MRTFB: variants seen among roughly 807,000 people sequenced by gnomAD.
The protein encoded by MRTFB is myocardin-related transcription factor B.
Under a neutral mutation model 104.2 loss-of-function variants are expected in MRTFB, and 29 were observed. That is an observed-to-expected ratio of 0.28 (90% CI 0.21 to 0.38). MRTFB has a LOEUF of 0.38. Among genes scored for constraint, MRTFB ranks in the 10% least tolerant of loss-of-function variants. The probability of loss-of-function intolerance (pLI) is 1.00; values close to 1 mark genes in which losing one functional copy is unlikely to be tolerated. For missense variants in MRTFB, 1,270 were observed against 1,341.6 expected (o/e 0.95, Z 0.83); for synonymous variants, 535 against 519.5 (o/e 1.03, Z -0.41).
intron 7 of MRTFB, among the ~76,000 whole-genome samples, chr16:14,217,602 A>C (rs887705938): frequency 5.9e-5 from 9 of 152,232 alleles, no homozygotes; most frequent in African/African-American, 2.2e-4. Flanking sequence ...TCTTGACTAC[A>C]AATTGCCTAA....
At position 14,251,914 on chromosome 16, in the gene MRTFB, C is replaced by T; in HGVS notation, c.2456C>T (p.Pro819Leu). Residue 819 changes from proline (P) to leucine (L), a missense_variant, in exon 14 of 17, where the codon CCT (proline) becomes CTT (leucine). Pro to Leu is a moderately conservative substitution (Grantham distance 98, BLOSUM62 -3). This residue lies in a region of MRTFB where 1,144 missense variants were observed against 1,131.5 expected (regional missense o/e 1.01). Coordinates refer to ENST00000571589, the MANE Select transcript of MRTFB (RefSeq NM_001308142.2). Reference protein sequence around the residue: ...SNTVLPYQRHPAPAVQQPFIN... With the variant: ...SNTVLPYQRHLAPAVQQPFIN... ...ACAGTTCTTCCATATCAGAGACATC[C>T]TGCCCCAGCTGTCCAGCAGCCCTTT... The T allele has an allele frequency of 6.2e-7, 1 of 1,614,220 alleles. No individual in the cohort carries two copies. The highest frequency in any genetic ancestry group is 1.3e-5 in the African/African-American group (1 of 75,052).
intron 3 of MRTFB, among the ~76,000 whole-genome samples, chr16:14,188,175 C>A (rs1232256162): frequency 5.3e-5 from 8 of 152,180 alleles, no homozygotes. Flanking sequence ...AATGGAGTTG[C>A]CTCTGCTTGT....
At chr16:14,082,010 T>G (rs1193659225) in intron 2 of MRTFB, among the ~76,000 whole-genome samples, 1 of 152,248 alleles carries the variant, frequency 6.6e-6, no homozygotes, top group African/African-American at 2.4e-5. Context: ...CACTGTGGAT[T>G]GCTTTCTTTG....
At chr16:14,216,515 G>A (rs947841911) in intron 6 of MRTFB, among the ~76,000 whole-genome samples, 3 of 152,106 alleles carry the variant, frequency 2.0e-5, no homozygotes, top group Admixed American at 6.6e-5. Context: ...AAGTAGATGA[G>A]TTGATGCCTG....
intron 3 of MRTFB, among the ~76,000 whole-genome samples, chr16:14,146,228 G>T (rs548450669): frequency 1.3e-5 from 2 of 152,334 alleles, no homozygotes; most frequent in South Asian, 4.1e-4. Context: ...TTAGACTTTT[G>T]TAAAATCAGT....
intron 15 of MRTFB, among the ~76,000 whole-genome samples, chr16:14,254,841 A>C (rs2043410260): frequency 3.3e-5 from 5 of 152,268 alleles, no homozygotes. Flanking sequence ...GGCTGAGACC[A>C]ATCCTGAGCT....
At chr16:14,205,097 A>T (rs2040882031) in intron 3 of MRTFB, among the ~76,000 whole-genome samples, 1 of 152,222 alleles carries the variant, frequency 6.6e-6, no homozygotes, top group South Asian at 2.1e-4. Context: ...AGAAGCAGAG[A>T]ATCAAAATCT....
intron 2 of MRTFB, among the ~76,000 whole-genome samples, chr16:14,081,862 T>C (rs1034288864): frequency 6.6e-6 from 1 of 152,210 alleles, no homozygotes; most frequent in African/African-American, 2.4e-5. Flanking sequence ...ATTATAGGTG[T>C]GAGCCACCAC....
At chr16:14,060,977 T>A in the MRTFB span, among the ~76,000 whole-genome samples, 1 of 151,856 alleles carries the variant, frequency 6.6e-6, no homozygotes, top group East Asian at 1.9e-4. Context: ...AAACCCTGTC[T>A]CTACTAAAAA....
intron 6 of MRTFB, among the ~76,000 whole-genome samples, chr16:14,216,868 C>G (rs1452559042): frequency 6.6e-6 from 1 of 152,120 alleles, no homozygotes; most frequent in African/African-American, 2.4e-5. Context: ...ATAGCAGTGC[C>G]CCACTTTTGG....
At chr16:14,147,940 T>A (rs1007190968) in intron 3 of MRTFB, among the ~76,000 whole-genome samples, 15 of 152,218 alleles carry the variant, frequency 9.9e-5, no homozygotes, top group African/African-American at 3.4e-4. Context: ...TGTTTACTTG[T>A]TTTATGTTTA....
chr16:14,204,405 T>C (rs2040850879), intron 3 of MRTFB, among the ~76,000 whole-genome samples: 2 of 152,208 alleles, frequency 1.3e-5, no homozygotes, highest in Non-Finnish European at 2.9e-5. Flanking sequence ...AGACAAATTC[T>C]AAAAGAGCTG....
the MRTFB span, among the ~76,000 whole-genome samples, chr16:14,041,396 T>G: frequency 2.0e-5 from 3 of 152,238 alleles, no homozygotes; most frequent in Admixed American, 6.5e-5. Context: ...TCTCTGAGTT[T>G]GACTTCTTTA....
At chr16:13,995,974 A>C in the MRTFB span, among the ~76,000 whole-genome samples, 2 of 152,136 alleles carry the variant, frequency 1.3e-5, no homozygotes, top group African/African-American at 4.8e-5. Flanking sequence ...ATTTATCCTT[A>C]AGAAGTTAAC....
chr16:14,242,044 T>C (rs1256225556), intron 10 of MRTFB, among the ~76,000 whole-genome samples: 1 of 151,560 alleles, frequency 6.6e-6, no homozygotes, highest in South Asian at 2.1e-4. Context: ...CTACTTACAA[T>C]GCGTTGTGCT....
chr16:14,183,453 A>G (rs541460679), intron 3 of MRTFB, among the ~76,000 whole-genome samples: 8 of 152,300 alleles, frequency 5.3e-5, no homozygotes, highest in African/African-American at 4.8e-5. Context: ...TGTTGGGACA[A>G]TTGGTGGAAC....
chr16:14,188,710 G>T (rs2040048771), intron 3 of MRTFB, among the ~76,000 whole-genome samples: 3 of 152,104 alleles, frequency 2.0e-5, no homozygotes, highest in African/African-American at 7.2e-5. Context: ...TTACTCCTCT[G>T]AGCCTTAACT....
the MRTFB span, among the ~76,000 whole-genome samples, chr16:14,053,716 C>G: frequency 2.1e-5 from 3 of 144,124 alleles, no homozygotes; most frequent in African/African-American, 7.8e-5. Flanking sequence ...AGTGACAGAG[C>G]AGGACTCCAT....
intron 2 of MRTFB, among the ~76,000 whole-genome samples, chr16:14,139,109 A>T (rs1220635230): frequency 6.6e-6 from 1 of 152,238 alleles, no homozygotes; most frequent in Admixed American, 6.5e-5. Context: ...TACTCTCCAT[A>T]AAACACTATT....
Sources: allele counts gnomAD v4.1 joint callset (sites outside exome capture counted in the v4.1 genomes callset), GRCh38; gene constraint gnomAD v4.1.1; regional missense constraint gnomAD v4.1.1; transcripts MANE v1.5; gene names NCBI Gene and HGNC (gene_info 2026-07-23, HGNC 2026-07-21).